Variants in CCDC149 observed in about 807,000 individuals in gnomAD.
CCDC149 encodes the protein coiled-coil domain-containing protein 149.
In CCDC149, 45 loss-of-function variants were observed where a neutral mutation model predicts 59.9. The observed-to-expected ratio is 0.75, with a 90% CI of 0.59 to 0.96. The LOEUF (loss-of-function observed/expected upper bound fraction) is 0.96, where lower values mean the gene tolerates loss of function less well. CCDC149 is among the 40% of genes least tolerant of loss of function. The pLI is 0.00. For missense variants in CCDC149, 584 were observed against 664.7 expected (o/e 0.88, Z 1.33); for synonymous variants, 245 against 260.6 (o/e 0.94, Z 0.58).
chr4:24,891,520 C>T (rs975052612), intron 1 of CCDC149, among the ~76,000 whole-genome samples: 3 of 152,202 alleles, frequency 2.0e-5, no homozygotes, highest in Non-Finnish European at 2.9e-5. Flanking sequence ...TTGACCACCA[C>T]CATCATCACC....
At chr4:24,851,132 G>A (rs1443914431) in intron 4 of CCDC149, among the ~76,000 whole-genome samples, 1 of 152,180 alleles carries the variant, frequency 6.6e-6, no homozygotes, top group Non-Finnish European at 1.5e-5. Context: ...AATGTGCCCA[G>A]GTACTGGAAT....
chr4:24,840,399 C>T (rs1399924029), intron 4 of CCDC149, among the ~76,000 whole-genome samples: 1 of 152,158 alleles, frequency 6.6e-6, no homozygotes, highest in Non-Finnish European at 1.5e-5. Flanking sequence ...TGTGAATCTG[C>T]CTACTTGCTG....
At chr4:24,832,320 A>C (rs1282700798) in intron 8 of CCDC149, among the ~76,000 whole-genome samples, 1 of 152,248 alleles carries the variant, frequency 6.6e-6, no homozygotes, top group Non-Finnish European at 1.5e-5. Context: ...TAAGCAAACA[A>C]TAGCAAGGTG....
At chr4:24,845,370 C>G (rs991738400) in intron 4 of CCDC149, among the ~76,000 whole-genome samples, 10 of 152,214 alleles carry the variant, frequency 6.6e-5, no homozygotes, top group African/African-American at 2.4e-4. Flanking sequence ...ATCCCTGCCC[C>G]ACCTGGGCTG....
chr4:24,898,008 C>A (rs901935029), intron 1 of CCDC149, among the ~76,000 whole-genome samples: 3 of 152,206 alleles, frequency 2.0e-5, no homozygotes, highest in Admixed American at 6.5e-5. Flanking sequence ...CCCATCCCTG[C>A]CACCTCCAAT....
At chr4:24,922,860 G>A (rs1722335772) in intron 1 of CCDC149, among the ~76,000 whole-genome samples, 1 of 151,978 alleles carries the variant, frequency 6.6e-6, no homozygotes, top group African/African-American at 2.4e-5. Flanking sequence ...CCGTGTCCTC[G>A]AACTTGGAAA....
chr4:24,875,310 A>G (rs554250753), intron 2 of CCDC149, among the ~76,000 whole-genome samples: 37 of 151,718 alleles, frequency 2.4e-4, no homozygotes, highest in African/African-American at 8.0e-4. Flanking sequence ...AGCCTGGGCC[A>G]CAGAGCGAGA....
At chr4:24,805,765 A>G (rs1714122458), downstream of CCDC149, among the ~76,000 whole-genome samples, 1 of 152,190 alleles carries the variant, frequency 6.6e-6, no homozygotes. Flanking sequence ...CTCGCTCTTG[A>G]AACACACACA....
intron 10 of CCDC149, 114 bp from the exon 11 acceptor site, chr4:24,821,201 T>A: frequency 2.2e-6 from 1 of 446,884 alleles, no homozygotes; most frequent in Non-Finnish European, 3.7e-6. Flanking sequence ...TTCACTCGAG[T>A]AACTTCCATC....
intron 4 of CCDC149, among the ~76,000 whole-genome samples, chr4:24,841,602 A>G (rs1716941461): frequency 6.6e-6 from 1 of 152,224 alleles, no homozygotes; most frequent in African/African-American, 2.4e-5. Flanking sequence ...GAGGGGGTCT[A>G]AGGACGTCAC....
At chr4:24,811,359 C>A (rs1185675684) in intron 12 of CCDC149, among the ~76,000 whole-genome samples, 1 of 151,936 alleles carries the variant, frequency 6.6e-6, no homozygotes, top group African/African-American at 2.4e-5. Context: ...TCCTGCGTCC[C>A]CCCTGCTTGT....
intron 4 of CCDC149, among the ~76,000 whole-genome samples, chr4:24,839,028 T>A (rs11727852): frequency 0.098 from 12,926 of 131,324 alleles, 699 homozygotes; most frequent in African/African-American, 0.16. Context: ...TCTCTCTCTC[T>A]CACACACACA....
intron 1 of CCDC149, among the ~76,000 whole-genome samples, chr4:24,969,270 G>T (rs1723890924): frequency 6.6e-6 from 1 of 152,204 alleles, no homozygotes; most frequent in Non-Finnish European, 1.5e-5. Context: ...AGTCACAAGG[G>T]TATATGCATG....
intron 1 of CCDC149, among the ~76,000 whole-genome samples, chr4:24,910,898 G>A (rs1176084398): frequency 6.6e-6 from 1 of 152,090 alleles, no homozygotes; most frequent in African/African-American, 2.4e-5. Flanking sequence ...TTAATATGAA[G>A]GATGCACTCA....
intron 4 of CCDC149, among the ~76,000 whole-genome samples, chr4:24,846,115 C>T (rs1013956247): frequency 1.2e-4 from 18 of 152,138 alleles, no homozygotes; most frequent in African/African-American, 3.6e-4. Context: ...CTCATGTAAG[C>T]CATGACAGGC....
At chr4:24,956,484 T>C (rs550456921) in intron 1 of CCDC149, among the ~76,000 whole-genome samples, 2 of 152,282 alleles carry the variant, frequency 1.3e-5, no homozygotes, top group East Asian at 3.9e-4. Context: ...TAAATTACTT[T>C]AGTGATCCAC....
intron 3 of CCDC149, among the ~76,000 whole-genome samples, chr4:24,856,106 C>T (rs959487860): frequency 1.5e-4 from 23 of 152,174 alleles, no homozygotes; most frequent in Non-Finnish European, 2.5e-4. Flanking sequence ...GTGCCCACTC[C>T]GTGGTTGCTA....
chr4:24,956,625 T>C (rs1278073700), intron 1 of CCDC149, among the ~76,000 whole-genome samples: 1 of 152,114 alleles, frequency 6.6e-6, no homozygotes, highest in Admixed American at 6.5e-5. Flanking sequence ...AGTAGGACAC[T>C]CTAGGAGATG....
intron 1 of CCDC149, among the ~76,000 whole-genome samples, chr4:24,953,600 C>T (rs991283378): frequency 4.6e-5 from 7 of 152,228 alleles, no homozygotes; most frequent in South Asian, 4.2e-4. Flanking sequence ...CTAGTAGTAC[C>T]GGATTATTAT....
Sources: allele counts gnomAD v4.1 joint callset (sites outside exome capture counted in the v4.1 genomes callset), GRCh38; gene constraint gnomAD v4.1.1; transcripts MANE v1.5; gene names NCBI Gene and HGNC (gene_info 2026-07-23, HGNC 2026-07-21).